The following NKAIN2 variants were observed in gnomAD, a reference collection of about 807,000 sequenced individuals.
NKAIN2 encodes sodium/potassium-transporting ATPase subunit beta-1-interacting protein 2.
Under a neutral mutation model 32.6 loss-of-function variants are expected in NKAIN2, and 14 were observed. The ratio of observed to expected loss-of-function variants is 0.43; its 90% CI spans 0.28 to 0.67. The LOEUF (loss-of-function observed/expected upper bound fraction) is 0.67, where lower values mean the gene tolerates loss of function less well. Among genes scored for constraint, NKAIN2 ranks in the 30% least tolerant of loss-of-function variants. NKAIN2 has a pLI of 0.17. For missense variants in NKAIN2, 198 were observed against 258.3 expected (o/e 0.77, Z 1.60); for synonymous variants, 80 against 87.2 (o/e 0.92, Z 0.46).
At chr6:124,507,440 C>G (rs1583355096) in intron 3 of NKAIN2, among the ~76,000 whole-genome samples, 1 of 152,034 alleles carries the variant, frequency 6.6e-6, no homozygotes, top group East Asian at 1.9e-4. Flanking sequence ...AATTTTTATT[C>G]TTACATCAGG....
chr6:124,218,976 C>A (rs1791639803), intron 1 of NKAIN2, among the ~76,000 whole-genome samples: 1 of 152,144 alleles, frequency 6.6e-6, no homozygotes, highest in Non-Finnish European at 1.5e-5. Context: ...AGCAAGGCAC[C>A]TTCTTCACAA....
intron 1 of NKAIN2, among the ~76,000 whole-genome samples, chr6:124,061,085 G>A (rs894899978): frequency 2.6e-5 from 4 of 152,130 alleles, no homozygotes; most frequent in Admixed American, 6.5e-5. Flanking sequence ...CTGAGAGACA[G>A]TAAATAATAC....
intron 1 of NKAIN2, among the ~76,000 whole-genome samples, chr6:123,993,830 T>A (rs1279164834): frequency 6.6e-6 from 1 of 152,236 alleles, no homozygotes; most frequent in East Asian, 1.9e-4. Flanking sequence ...GTAGCTTTTA[T>A]GATATTTCTG....
chr6:124,396,361 A>C (rs140299383), intron 3 of NKAIN2, among the ~76,000 whole-genome samples: 367 of 151,466 alleles, frequency 2.4e-3, no homozygotes, highest in African/African-American at 8.7e-3. Context: ...ATGAGAGAGG[A>C]ATTGATACAA....
At chr6:124,805,058 G>C (rs1455061745) in intron 5 of NKAIN2, among the ~76,000 whole-genome samples, 7 of 152,214 alleles carry the variant, frequency 4.6e-5, no homozygotes, top group Non-Finnish European at 1.0e-4. Context: ...CTCCACCTCT[G>C]GGGGCAGGGC....
At chr6:124,489,203 C>T (rs1336344170) in intron 3 of NKAIN2, among the ~76,000 whole-genome samples, 1 of 151,848 alleles carries the variant, frequency 6.6e-6, no homozygotes, top group Non-Finnish European at 1.5e-5. Flanking sequence ...AAACTCTAAA[C>T]TGTATTTTCT....
intron 2 of NKAIN2, among the ~76,000 whole-genome samples, chr6:124,331,183 T>C (rs1434659141): frequency 6.6e-6 from 1 of 151,738 alleles, no homozygotes; most frequent in Non-Finnish European, 1.5e-5. Flanking sequence ...ATACTTTTTT[T>C]CAATTTAGAG....
chr6:124,474,302 A>T (rs1463936868), intron 3 of NKAIN2, among the ~76,000 whole-genome samples: 1 of 152,136 alleles, frequency 6.6e-6, no homozygotes, highest in Admixed American at 6.6e-5. Flanking sequence ...AAGAAGGAAA[A>T]GGAAAGATGT....
At chr6:124,579,758 A>G (rs1417497650) in intron 3 of NKAIN2, among the ~76,000 whole-genome samples, 1 of 152,214 alleles carries the variant, frequency 6.6e-6, no homozygotes, top group African/African-American at 2.4e-5. Flanking sequence ...TTTAACCCAA[A>G]TAAGACTACC....
intron 2 of NKAIN2, among the ~76,000 whole-genome samples, chr6:124,295,105 A>G (rs1207174867): frequency 7.9e-5 from 12 of 152,050 alleles, no homozygotes; most frequent in Non-Finnish European, 1.8e-4. Flanking sequence ...GAATTATGAG[A>G]TGTCTTATTT....
chr6:124,477,642 TC>T (rs1411693371), intron 3 of NKAIN2, among the ~76,000 whole-genome samples: 3 of 150,136 alleles, frequency 2.0e-5, no homozygotes, highest in Non-Finnish European at 4.4e-5. Context: ...CTTCTTCTTC[TC>T]CTCCCACTTC....
intron 1 of NKAIN2, among the ~76,000 whole-genome samples, chr6:123,966,511 G>T (rs2114625045): frequency 6.6e-6 from 1 of 152,228 alleles, no homozygotes; most frequent in South Asian, 2.1e-4. Flanking sequence ...GACTATCTTT[G>T]TAATCCATCA....
At chr6:124,426,918 C>A (rs1167301883) in intron 3 of NKAIN2, among the ~76,000 whole-genome samples, 1 of 152,142 alleles carries the variant, frequency 6.6e-6, no homozygotes, top group Non-Finnish European at 1.5e-5. Context: ...GTACCTTTCA[C>A]CTTCCACCAT....
intron 3 of NKAIN2, among the ~76,000 whole-genome samples, chr6:124,430,217 T>C (rs774585698): frequency 3.9e-5 from 6 of 152,246 alleles, no homozygotes; most frequent in South Asian, 2.1e-4. Flanking sequence ...TTTCATGCTA[T>C]GATATTTGAG....
intron 3 of NKAIN2, among the ~76,000 whole-genome samples, chr6:124,375,208 G>T (rs1209276642): frequency 6.6e-6 from 1 of 151,716 alleles, no homozygotes; most frequent in Admixed American, 6.6e-5. Context: ...CCTAAAACAC[G>T]TGCTCCAGAT....
chr6:123,936,293 C>T lies in NKAIN2; in HGVS notation c.54+132039C>T, dbSNP rs148736108. ...GCAGCTGTGGAACTCGGTCTAATTG[C>T]GGACCCTAGATGGGTTTGATAATCA... On this transcript the variant is annotated intron_variant, in intron 1 of 6. Transcript: ENST00000368417. Among the ~76,000 whole-genome samples, 500 of 152,222 alleles carry T rather than the reference C, an allele frequency of 3.3e-3. 3 individuals are homozygous for T. Among genetic ancestry groups the T allele is most frequent in the African/African-American group, 0.012 (478 of 41,546 alleles).
At chr6:124,091,925 C>T (rs2114929439) in intron 1 of NKAIN2, among the ~76,000 whole-genome samples, 1 of 152,140 alleles carries the variant, frequency 6.6e-6, no homozygotes, top group East Asian at 1.9e-4. Context: ...TCAACAATCT[C>T]ACCTGCAAAC....
At chr6:123,938,425 T>C (rs1776637767) in intron 1 of NKAIN2, among the ~76,000 whole-genome samples, 1 of 44,422 alleles carries the variant, frequency 2.3e-5, no homozygotes, top group African/African-American at 1.2e-4. Context: ...TATATATATA[T>C]ATATATATAT....
intron 2 of NKAIN2, among the ~76,000 whole-genome samples, chr6:124,330,607 G>T (rs888227275): frequency 2.0e-5 from 3 of 152,176 alleles, no homozygotes; most frequent in African/African-American, 4.8e-5. Context: ...GCAAGAACTT[G>T]ACTGTGAGCT....
Sources: allele counts gnomAD v4.1 joint callset (sites outside exome capture counted in the v4.1 genomes callset), GRCh38; gene constraint gnomAD v4.1.1; transcripts MANE v1.5; gene names NCBI Gene and HGNC (gene_info 2026-07-23, HGNC 2026-07-21).